ASXL3: variants seen among roughly 807,000 people sequenced by gnomAD.
The protein encoded by ASXL3 is putative Polycomb group protein ASXL3.
Under a neutral mutation model 170.6 loss-of-function variants are expected in ASXL3, and 34 were observed. The observed-to-expected ratio is 0.20, with a 90% confidence interval of 0.15 to 0.27. The LOEUF is 0.27. Among genes scored for constraint, ASXL3 ranks in the 10% least tolerant of loss-of-function variants. The pLI is 1.00. For missense variants in ASXL3, 2,592 were observed against 2,695.3 expected, an observed-to-expected ratio of 0.96 and a Z score of 0.85; for synonymous variants, 1,002 against 989.1, an observed-to-expected ratio of 1.01 and a Z score of -0.24.
chr18:33,645,148 T>C (rs2145199689), intron 3 of ASXL3, 146 bp downstream of exon 3: 4 of 491,764 alleles, frequency 8.1e-6, no homozygotes, highest in Non-Finnish European at 1.4e-5. Flanking sequence ...TGATTTCATA[T>C]TAAGAATAAA....
At chr18:33,624,043 AGCTACTTGGGAGACTAAGGTGAGAGGGTT>A (rs1342380920) in intron 2 of ASXL3, among the ~76,000 whole-genome samples, 1 of 152,150 alleles carries the variant, frequency 6.6e-6, no homozygotes, top group Non-Finnish European at 1.5e-5. Context: ...CTGTGGTTCT[AGCTACTTGGGAGACTAAGGTGAGAGGGTT>A]GCTTGAGCCA....
intron 7 of ASXL3, among the ~76,000 whole-genome samples, chr18:33,673,147 A>G (rs2066372155): frequency 6.6e-6 from 1 of 152,210 alleles, no homozygotes; most frequent in South Asian, 2.1e-4. Context: ...TAAAGAATAT[A>G]CTAAAAATCC....
At chr18:33,683,040 A>G (rs368771719) in intron 7 of ASXL3, among the ~76,000 whole-genome samples, 1 of 152,178 alleles carries the variant, frequency 6.6e-6, no homozygotes, top group African/African-American at 2.4e-5. Context: ...CTTAGGTCTT[A>G]TAGAACTTAC....
chr18:33,679,168 A>G (rs2066476570), intron 7 of ASXL3, among the ~76,000 whole-genome samples: 1 of 152,186 alleles, frequency 6.6e-6, no homozygotes, highest in Admixed American at 6.5e-5. Context: ...ACATGAGAAT[A>G]TTTATGCCAT....
intron 8 of ASXL3, among the ~76,000 whole-genome samples, chr18:33,698,959 G>A (rs2066822875): frequency 6.6e-6 from 1 of 152,116 alleles, no homozygotes; most frequent in African/African-American, 2.4e-5. Context: ...GTGCTATAGG[G>A]AAAGTTGCTT....
intron 2 of ASXL3, among the ~76,000 whole-genome samples, chr18:33,621,539 A>G (rs1180864022): frequency 1.3e-5 from 2 of 152,134 alleles, no homozygotes; most frequent in African/African-American, 2.4e-5. Context: ...TTGTACTTCA[A>G]ATAGTGATCT....
chr18:33,588,492 C>T (rs1372940415), intron 1 of ASXL3, among the ~76,000 whole-genome samples: 2 of 151,776 alleles, frequency 1.3e-5, no homozygotes, highest in Non-Finnish European at 2.9e-5. Flanking sequence ...TCAAGAATAG[C>T]CTAGTTGGAA....
At chr18:33,646,452 A>C (rs1414684657) in intron 4 of ASXL3, 99 bp downstream of exon 4, 1 of 834,352 alleles carries the variant, frequency 1.2e-6, no homozygotes, top group Non-Finnish European at 1.8e-6. Context: ...TTATCAATAC[A>C]GTTTTCTTCT....
chr18:33,599,938 A>G (rs897121990), intron 1 of ASXL3, among the ~76,000 whole-genome samples: 2 of 152,160 alleles, frequency 1.3e-5, no homozygotes, highest in African/African-American at 4.8e-5. Context: ...GAAAAAAAGC[A>G]CGTCATATTA....
intron 1 of ASXL3, among the ~76,000 whole-genome samples, chr18:33,600,960 T>G (rs936485165): frequency 5.9e-5 from 9 of 152,172 alleles, no homozygotes; most frequent in African/African-American, 2.2e-4. Flanking sequence ...TTTTGATTTG[T>G]AACAAGCAAA....
intron 2 of ASXL3, among the ~76,000 whole-genome samples, chr18:33,628,804 A>G (rs957504578): frequency 6.6e-6 from 1 of 152,188 alleles, no homozygotes; most frequent in African/African-American, 2.4e-5. Flanking sequence ...CATGGTACAT[A>G]TGACAGAGAT....
rs200482626 is a variant in ASXL3 at position 33,744,438 on chromosome 18, C to T, written c.4590C>T (p.Asn1530=). The T allele has an allele frequency of 1.5e-4, 250 of 1,613,692 alleles. No homozygotes were observed. In the African/African-American group the frequency reaches 2.7e-3, roughly 18 times the overall value. The change falls in exon 12 of 12, where the codon AAC becomes AAT. Residue 1530 remains asparagine, a synonymous_variant. Coordinates refer to ENST00000269197, the MANE Select transcript of ASXL3 (RefSeq NM_030632.3). ...TTAGCAGGCCTGAGCCAGTTGCCAA[C>T]GAAGGTATAGATCACAGTTCCACTT... ...SVISRPEPVA[N]EGIDHSSTFI...
intron 1 of ASXL3, among the ~76,000 whole-genome samples, chr18:33,597,815 A>AT: frequency 6.6e-6 from 1 of 151,944 alleles, no homozygotes; most frequent in African/African-American, 2.4e-5. Flanking sequence ...AACAAAAAAA[A>AT]CAAAAAACAA....
Position 33,743,635 on chromosome 18 carries a change from G to A in ASXL3, c.3787G>A (p.Val1263Ile). ...PFVSSVDKSSVLMSVDSANTT... is the reference protein window; with the variant it reads ...PFVSSVDKSSILMSVDSANTT... ...TGTGAGTTCTGTTGATAAATCCTCTGTCCTAATGTCTGTTGACAGTGCAAA... is the reference window on the plus strand; with the variant it reads ...TGTGAGTTCTGTTGATAAATCCTCTATCCTAATGTCTGTTGACAGTGCAAA... The change falls in exon 12 of 12, where the codon GTC becomes ATC. Residue 1263 changes from valine to isoleucine, a missense_variant. Physicochemically the swap from Val to Ile is conservative, Grantham distance 29. Transcript: ENST00000269197. The A allele has an allele frequency of 6.2e-7, 1 of 1,613,628 alleles. No individual in the cohort carries two copies. Among genetic ancestry groups the A allele is most frequent in the Non-Finnish European group, 8.5e-7 (1 of 1,179,872 alleles).
chr18:33,668,055 A>T (rs2066285962), intron 5 of ASXL3, among the ~76,000 whole-genome samples: 1 of 152,188 alleles, frequency 6.6e-6, no homozygotes, highest in Non-Finnish European at 1.5e-5. Flanking sequence ...TAGGACATTG[A>T]CCCAAGTCAT....
rs371599603 is a variant in ASXL3 at position 33,736,052 on chromosome 18, A to G, written c.1082+1637A>G. ...TTCCATAAGATGGATACCATTATTC[A>G]TAATTTTTTTAACTTAGGAAGCTGA... On this transcript the variant is annotated intron_variant, in intron 10 of 11. Transcript: ENST00000269197. Among the ~76,000 whole-genome samples, 107 of 152,298 alleles carry G rather than the reference A, an allele frequency of 7.0e-4. 1 individual carries two copies. The highest frequency in any genetic ancestry group is 2.2e-3 in the African/African-American group (90 of 41,566).
chr18:33,698,394 C>T (rs2066810977), intron 8 of ASXL3, among the ~76,000 whole-genome samples: 1 of 152,028 alleles, frequency 6.6e-6, no homozygotes, highest in Admixed American at 6.6e-5. Context: ...GTTTTAGCAG[C>T]ACAAATGAAA....
At chr18:33,672,904 T>C (rs2066367893) in intron 7 of ASXL3, among the ~76,000 whole-genome samples, 1 of 152,142 alleles carries the variant, frequency 6.6e-6, no homozygotes, top group South Asian at 2.1e-4. Flanking sequence ...ATAAGAGACC[T>C]TTAGGAAAGC....
chr18:33,600,054 AGT>A (rs1467556323), intron 1 of ASXL3, among the ~76,000 whole-genome samples: 11 of 152,294 alleles, frequency 7.2e-5, no homozygotes, highest in Non-Finnish European at 1.6e-4. Flanking sequence ...TATTTTAATG[AGT>A]GTAATTCTTA....
Sources: allele counts gnomAD v4.1 joint callset (sites outside exome capture counted in the v4.1 genomes callset), GRCh38; gene constraint gnomAD v4.1.1; transcripts MANE v1.5; gene names NCBI Gene and HGNC (gene_info 2026-07-23, HGNC 2026-07-21).